Variants in DNAH11 observed in about 807,000 individuals in gnomAD.
DNAH11 encodes axonemal beta dynein heavy chain 11.
A neutral mutation model predicts 526.0 loss-of-function variants in DNAH11; 442 were observed. The observed-to-expected ratio is 0.84, with a 90% confidence interval of 0.78 to 0.91. DNAH11 has a LOEUF of 0.91. Among genes scored for constraint, DNAH11 ranks in the 40% least tolerant of loss-of-function variants. The pLI is 0.00. For missense variants in DNAH11, 6,989 were observed against 5,448.7 expected, an observed-to-expected ratio of 1.28 and a Z score of -8.90; for synonymous variants, 2,461 against 1,935.9, an observed-to-expected ratio of 1.27 and a Z score of -7.12.
intron 68 of DNAH11, among the ~76,000 whole-genome samples, chr7:21,858,734 G>A (rs1357628781): frequency 6.6e-6 from 1 of 152,216 alleles, no homozygotes; most frequent in Non-Finnish European, 1.5e-5. Flanking sequence ...GGAATAGGCT[G>A]TAAATAGGCA....
chr7:21,636,085 C>G lies in DNAH11; in HGVS notation c.4715C>G (p.Ala1572Gly). Residue 1572 changes from alanine to glycine, a missense_variant, in exon 26 of 82, where the codon GCT becomes GGT. Ala to Gly is a moderately conservative substitution (Grantham distance 60). Coordinates refer to ENST00000409508, the MANE Select transcript of DNAH11 (RefSeq NM_001277115.2). Reference sequence around the variant, plus strand: ...GCTAGAAGATTTGATGGGGTGGATGCTGAATTTAAGGTTTGTCAAAGACAG... The same window carrying G: ...GCTAGAAGATTTGATGGGGTGGATGGTGAATTTAAGGTTTGTCAAAGACAG... The part of the protein sequence containing the change: ...KDARRFDGVD[A>G]EFKELMFKTA... 6.2e-7 allele frequency: 1 copy of G among 1,609,708 alleles called. No individual in the cohort carries two copies. Among genetic ancestry groups the G allele is most frequent in the Non-Finnish European group, 8.5e-7 (1 of 1,177,242 alleles).
At chr7:21,812,827 A>C (rs1484339919) in intron 63 of DNAH11, among the ~76,000 whole-genome samples, 1 of 152,140 alleles carries the variant, frequency 6.6e-6, no homozygotes, top group Non-Finnish European at 1.5e-5. Flanking sequence ...GTTGATGCTG[A>C]ATCACTTGGG....
At chr7:21,844,880 A>G (rs574642952) in intron 66 of DNAH11, among the ~76,000 whole-genome samples, 32 of 152,292 alleles carry the variant, frequency 2.1e-4, no homozygotes, top group African/African-American at 7.5e-4. Context: ...ATCAGTGGAT[A>G]TGGTTCCCTG....
chr7:21,621,037 G>A lies in DNAH11; in HGVS notation c.4500+959G>A, dbSNP rs546687984. Among the ~76,000 whole-genome samples, 45 of 152,176 alleles carry A rather than the reference G, an allele frequency of 3.0e-4. 2 individuals are homozygous for A. In the South Asian group the frequency reaches 8.9e-3, roughly 30 times the overall value. ...CCACAATAAACATACGTGTGCATGT[G>A]TCTTTATAGCAGCATGATTTATAAT... On this transcript the variant is annotated intron_variant, in intron 25 of 81. Coordinates refer to ENST00000409508, the MANE Select transcript of DNAH11 (RefSeq NM_001277115.2).
At position 21,811,116 on chromosome 7, in the gene DNAH11, T is replaced by C. The variant is rs115974971; in HGVS notation, c.10332+3067T>C. Among the ~76,000 whole-genome samples, 818 of 152,242 alleles carry C rather than the reference T, an allele frequency of 5.4e-3. 7 individuals carry two copies. The highest frequency in any genetic ancestry group is 0.019 in the African/African-American group (771 of 41,552). On this transcript the variant is annotated intron_variant, in intron 63 of 81. Transcript: ENST00000409508. ...ATTCAGCCTCAAAAATGAAGGAAAT[T>C]CTGGTATGTGCTACAACATGGATGA...
At chr7:21,672,617 T>C (rs1056117608) in intron 30 of DNAH11, among the ~76,000 whole-genome samples, 1 of 152,234 alleles carries the variant, frequency 6.6e-6, no homozygotes, top group Non-Finnish European at 1.5e-5. Context: ...CAGAGTGGCC[T>C]CTTCCAGCTT....
intron 73 of DNAH11, among the ~76,000 whole-genome samples, chr7:21,870,748 A>G (rs1783465247): frequency 6.6e-6 from 1 of 152,160 alleles, no homozygotes; most frequent in Non-Finnish European, 1.5e-5. Flanking sequence ...AAAAGATCTT[A>G]TTTTGTCAAG....
rs756621896 is a variant in DNAH11 at position 21,784,522 on chromosome 7, ACT to A, written c.9581_9582del (p.Leu3194GlnfsTer10). 38 of 1,609,870 alleles carry A rather than the reference ACT, an allele frequency of 2.4e-5. No homozygotes were observed. Among genetic ancestry groups the A allele is most frequent in the Non-Finnish European group, 3.2e-5 (38 of 1,177,914 alleles). Reference sequence around the variant, plus strand: ...CTGCACTGGTGGCTGCTACAGCTGCACTCAATACACTCAACAGGGTAAAGATA... The same window carrying A: ...CTGCACTGGTGGCTGCTACAGCTGCACAATACACTCAACAGGGTAAAGATA... ...EPALVAATAA[L>X]NTLNRVNLSE... On this transcript the variant is annotated frameshift_variant, in exon 58 of 82. Transcript: ENST00000409508. LOFTEE classifies it high-confidence loss of function.
rs920503126 is a variant in DNAH11, at chr7:21,612,774, A to G, written c.3853-2340A>G. Among the ~76,000 whole-genome samples the G allele has an allele frequency of 2.6e-5, 4 of 152,184 alleles. No individual in the cohort carries two copies. The East Asian group carries it at 7.7e-4, about 29-fold the overall frequency. Reference sequence around the variant, plus strand: ...CAGTCTTTCTCACGTACATATAGATACAAACATACTAAACAAAACAATCAA... The same window carrying G: ...CAGTCTTTCTCACGTACATATAGATGCAAACATACTAAACAAAACAATCAA... On this transcript the variant is annotated intron_variant, in intron 20 of 81. Coordinates refer to ENST00000409508, the MANE Select transcript of DNAH11 (RefSeq NM_001277115.2).
At chr7:21,724,657 G>C (rs1446802877) in intron 44 of DNAH11, among the ~76,000 whole-genome samples, 1 of 151,378 alleles carries the variant, frequency 6.6e-6, no homozygotes, top group African/African-American at 2.4e-5. Flanking sequence ...CGCTGAGCCA[G>C]GTCATCCTAT....
Position 21,878,783 on chromosome 7 carries a change from G to A in DNAH11, c.12196-1919G>A, listed in dbSNP as rs961588205. On this transcript the variant is annotated intron_variant, in intron 74 of 81. Coordinates refer to ENST00000409508, the MANE Select transcript of DNAH11 (RefSeq NM_001277115.2). ...ACCCACAGAGAACAAATCTGGTCTT[G>A]GTTTAGTATCACAAGTCCTCTGGAA... Among the ~76,000 whole-genome samples, 3 of 152,052 alleles carry A rather than the reference G, an allele frequency of 2.0e-5. No homozygotes were observed. In the South Asian group the frequency reaches 6.2e-4, roughly 32 times the overall value.
At position 21,599,795 on chromosome 7, in the gene DNAH11, GA is replaced by G; in HGVS notation, c.2678del (p.Lys893SerfsTer16). On this transcript the variant is annotated frameshift_variant, in exon 15 of 82. Transcript: ENST00000409508. LOFTEE classifies it high-confidence loss of function. ...KIHNLVEENR[K>X]LFKANPSLDT... is the part of the protein sequence containing the mutation. ...TACTTGTCTGTTTCTAGGAAAATAGGAAGCTCTTCAAAGCCAATCCCTCTCT... is the reference window on the plus strand; with the variant it reads ...TACTTGTCTGTTTCTAGGAAAATAGGAGCTCTTCAAAGCCAATCCCTCTCT... 1 of 1,541,102 alleles carries G rather than the reference GA, an allele frequency of 6.5e-7. No individual in the cohort carries two copies. The highest frequency in any genetic ancestry group is 1.4e-5 in the African/African-American group (1 of 72,420).
intron 44 of DNAH11, among the ~76,000 whole-genome samples, chr7:21,721,708 C>A (rs763058174): frequency 6.6e-6 from 1 of 152,064 alleles, no homozygotes; most frequent in Non-Finnish European, 1.5e-5. Context: ...GTCCCAAGGC[C>A]CCACCACCAA....
rs1331086104 is a variant in DNAH11 at position 21,606,484 on chromosome 7, T to C, written c.3707T>C (p.Val1236Ala). ...ATCGCAGCAACTGTCAGACATGAAG[T>C]CTCACCTCTCCATAATGCGGAAGTC... ...KKIAATVRHE[V>A]SPLHNAEVTL... The change falls in exon 19 of 82, where the codon GTC becomes GCC. Residue 1236 changes from valine to alanine, a missense_variant. Coordinates refer to ENST00000409508, the MANE Select transcript of DNAH11 (RefSeq NM_001277115.2). 6.2e-7 allele frequency: 1 copy of C among 1,611,290 alleles called. No individual in the cohort carries two copies. The highest frequency in any genetic ancestry group is 8.5e-7 in the Non-Finnish European group (1 of 1,179,368).
In DNAH11 at chr7:21,750,368, A is replaced by G; in HGVS notation, c.8940+4A>G. 1 of 1,597,000 alleles carries G rather than the reference A, an allele frequency of 6.3e-7. No homozygotes were observed. Among genetic ancestry groups the G allele is most frequent in the Admixed American group, 1.7e-5 (1 of 57,678 alleles). ...CAGGGTGCGACTACAGCTCAAAGTA[A>G]GAAATACTTGCTTAATTTGCATGTT... On this transcript the variant is annotated splice_donor_region_variant and intron_variant, in intron 54 of 81. Coordinates refer to ENST00000409508, the MANE Select transcript of DNAH11 (RefSeq NM_001277115.2).
chr7:21,587,835 G>A (rs1467005667), intron 9 of DNAH11, among the ~76,000 whole-genome samples: 1 of 152,092 alleles, frequency 6.6e-6, no homozygotes, highest in Non-Finnish European at 1.5e-5. Flanking sequence ...GACAGACAGT[G>A]GTTCCTTTCT....
intron 65 of DNAH11, among the ~76,000 whole-genome samples, chr7:21,827,797 T>C (rs1408573050): frequency 2.6e-5 from 4 of 152,166 alleles, no homozygotes; most frequent in African/African-American, 4.8e-5. Context: ...TATGTTTCTG[T>C]TCTTGGAGTT....
intron 55 of DNAH11, among the ~76,000 whole-genome samples, chr7:21,771,411 T>C (rs1787428429): frequency 6.6e-6 from 1 of 152,170 alleles, no homozygotes; most frequent in African/African-American, 2.4e-5. Context: ...GTGGCTGGAG[T>C]ACTTGGTGTG....
intron 20 of DNAH11, among the ~76,000 whole-genome samples, chr7:21,613,182 A>G (rs949448377): frequency 5.3e-5 from 8 of 152,210 alleles, no homozygotes; most frequent in Non-Finnish European, 8.8e-5. Flanking sequence ...CATCATCATG[A>G]ATATATAGGT....
Sources: gnomAD v4.1 joint callset for allele counts (sites outside exome capture counted in the v4.1 genomes callset) on GRCh38, gnomAD v4.1.1 for gene constraint, MANE v1.5 for transcripts, NCBI Gene and HGNC (gene_info 2026-07-23, HGNC 2026-07-21) for gene names.